Variants in SPRR2F observed in about 807,000 individuals in gnomAD.
SPRR2F encodes the protein small proline rich protein 2F, also known as small proline-rich protein 2F.
Under a neutral mutation model 0.8 loss-of-function variants are expected in SPRR2F, and 2 were observed. The observed-to-expected ratio is 2.52, with a 90% CI of 1.03 to 7.95. The LOEUF (loss-of-function observed/expected upper bound fraction) is 7.95, where lower values mean the gene tolerates loss of function less well. Ranked by LOEUF, SPRR2F falls within the 30% of genes most tolerant of loss-of-function variation. The probability of loss-of-function intolerance (pLI) is 0.04; values close to 1 mark genes in which losing one functional copy is unlikely to be tolerated. For missense variants in SPRR2F, 80 were observed against 85.8 expected (o/e 0.93, Z 0.27); for synonymous variants, 39 against 33.4 (o/e 1.17, Z -0.58).
chr1:153,115,584 A>T (rs1011117626), upstream of SPRR2F, among the ~76,000 whole-genome samples: 1 of 152,070 alleles, frequency 6.6e-6, no homozygotes, highest in Non-Finnish European at 1.5e-5. Flanking sequence ...GACCAGCTAC[A>T]TGAGGAATGG....
In SPRR2F at chr1:153,112,726, T is replaced by G; in HGVS notation, c.8A>C (p.Tyr3Ser). 1 of 1,611,854 alleles carries G rather than the reference T, an allele frequency of 6.2e-7. No homozygotes were observed. Among genetic ancestry groups the G allele is most frequent in the South Asian group, 1.1e-5 (1 of 90,992 alleles). MS[Y>S]QQQQCKQPCQ... is the part of the protein sequence containing the mutation. The stretch of plus-strand genomic sequence containing the variant: ...GGGCTGCTTGCACTGCTGCTGTTGA[T>G]AAGACATCCTGCTGGAGTCTCAGAA... The change falls in exon 2 of 2, where the codon TAT becomes TCT. Residue 3 changes from tyrosine (Y) to serine (S), a missense_variant. Physicochemically the swap from Tyr to Ser is moderately radical, Grantham distance 144. Transcript: ENST00000468739.
chr1:153,118,659 T>G, the SPRR2F span, among the ~76,000 whole-genome samples: 2 of 152,180 alleles, frequency 1.3e-5, no homozygotes, highest in Non-Finnish European at 2.9e-5. Flanking sequence ...CATTCTCTAA[T>G]AATCAAAACC....
chr1:153,114,805 T>C (rs1655687915), upstream of SPRR2F, among the ~76,000 whole-genome samples: 1 of 152,214 alleles, frequency 6.6e-6, no homozygotes, highest in Non-Finnish European at 1.5e-5. Context: ...ATGCATATAG[T>C]GACTCCTCTT....
At chr1:153,113,750 T>C (rs1257378169), upstream of SPRR2F, among the ~76,000 whole-genome samples, 1 of 152,148 alleles carries the variant, frequency 6.6e-6, no homozygotes, top group Non-Finnish European at 1.5e-5. Flanking sequence ...CAGTGACCTA[T>C]GGCAAAGAGG....
chr1:153,112,423 G>C lies in SPRR2F; in HGVS notation c.*92C>G. 1 of 1,533,972 alleles carries C rather than the reference G, an allele frequency of 6.5e-7. No individual in the cohort carries two copies. Among genetic ancestry groups the C allele is most frequent in the Non-Finnish European group, 8.8e-7 (1 of 1,138,100 alleles). The stretch of plus-strand genomic sequence containing the variant: ...GAAAGAAGCTCCCTGTGTATCCCTG[G>C]ATGGCTTTGATGAGAAGATGCAGGT... On this transcript the variant is annotated 3_prime_UTR_variant, in exon 2 of 2. Coordinates refer to ENST00000468739, the MANE Select transcript of SPRR2F (RefSeq NM_001014450.3).
upstream of SPRR2F, among the ~76,000 whole-genome samples, chr1:153,117,676 C>T (rs1655743864): frequency 6.6e-6 from 1 of 152,006 alleles, no homozygotes; most frequent in Admixed American, 6.6e-5. Flanking sequence ...AGAATAATTT[C>T]AAGAGCTATC....
At chr1:153,114,266 G>C (rs1655674086), upstream of SPRR2F, among the ~76,000 whole-genome samples, 1 of 151,836 alleles carries the variant, frequency 6.6e-6, no homozygotes, top group Non-Finnish European at 1.5e-5. Context: ...TTGTCACCTG[G>C]GACAGATTCC....
At chr1:153,113,992 ATTTTTTTTTTT>A (rs1171281660), upstream of SPRR2F, among the ~76,000 whole-genome samples, 3 of 78,744 alleles carry the variant, frequency 3.8e-5, no homozygotes, top group African/African-American at 1.5e-4. Flanking sequence ...CTGGTCCCAG[ATTTTTTTTTTT>A]TTTTTTTTTT....
chr1:153,116,155 T>C (rs186863790), upstream of SPRR2F, among the ~76,000 whole-genome samples: 2 of 152,336 alleles, frequency 1.3e-5, no homozygotes, highest in Admixed American at 1.3e-4. Flanking sequence ...TTACATTCCA[T>C]CATTATTCCA....
chr1:153,113,193 G>A (rs1310417589), intron 1 of SPRR2F, among the ~76,000 whole-genome samples: 1 of 152,112 alleles, frequency 6.6e-6, no homozygotes, highest in African/African-American at 2.4e-5. Flanking sequence ...CTTTGAAAAG[G>A]ACACCAGAAA....
chr1:153,117,462 T>C (rs539916649), upstream of SPRR2F, among the ~76,000 whole-genome samples: 3 of 152,142 alleles, frequency 2.0e-5, no homozygotes, highest in South Asian at 2.1e-4. Context: ...CTAATCTAGT[T>C]TACTATTACT....
upstream of SPRR2F, among the ~76,000 whole-genome samples, chr1:153,114,000 T>C (rs1655663898): frequency 1.1e-5 from 1 of 91,504 alleles, no homozygotes; most frequent in Non-Finnish European, 2.3e-5. Context: ...AGATTTTTTT[T>C]TTTTTTTTTT....
chr1:153,118,446 A>T (rs370928300), upstream of SPRR2F, among the ~76,000 whole-genome samples: 3 of 152,166 alleles, frequency 2.0e-5, no homozygotes, highest in African/African-American at 7.2e-5. Flanking sequence ...ACTATCAAAG[A>T]GAGAATATTC....
chr1:153,112,551 T>G lies in SPRR2F; in HGVS notation c.183A>C (p.Pro61=), dbSNP rs773296488. 6.2e-7 allele frequency: 1 copy of G among 1,612,366 alleles called. No homozygotes were observed. The highest frequency in any genetic ancestry group is 8.5e-7 in the Non-Finnish European group (1 of 1,179,684). ...QQKCPPVTPS[P]PCQPKCPPKS... ...TGGGTGGACACTTTGGCTGGCAGGGTGGGGAAGGTGTCACAGGAGGACATT... is the reference window on the plus strand; with the variant it reads ...TGGGTGGACACTTTGGCTGGCAGGGGGGGGAAGGTGTCACAGGAGGACATT... Residue 61 remains proline, a synonymous_variant, in exon 2 of 2, where the codon CCA becomes CCC. Transcript: ENST00000468739.
Position 153,112,804 on chromosome 1 carries a change from G to A in SPRR2F, c.-19-52C>T, listed in dbSNP as rs1484081666. Reference sequence around the variant, plus strand: ...ACGGGAAGGGAATCCTCCAGAGAGAGAAGCCAAAGCTTATGTAATACCATG... The same window carrying A: ...ACGGGAAGGGAATCCTCCAGAGAGAAAAGCCAAAGCTTATGTAATACCATG... On this transcript the variant is annotated intron_variant, in intron 1 of 1. Coordinates refer to ENST00000468739, the MANE Select transcript of SPRR2F (RefSeq NM_001014450.3). 6 of 1,605,008 alleles carry A rather than the reference G, an allele frequency of 3.7e-6. No individual in the cohort carries two copies. In the African/African-American group the frequency reaches 8.0e-5, roughly 21 times the overall value.
upstream of SPRR2F, among the ~76,000 whole-genome samples, chr1:153,114,238 C>T (rs1270067001): frequency 6.6e-6 from 1 of 152,050 alleles, no homozygotes; most frequent in Admixed American, 6.6e-5. Flanking sequence ...GTCTTCTCCA[C>T]CCAATTTGTA....
At chr1:153,119,332 T>C in the SPRR2F span, among the ~76,000 whole-genome samples, 1 of 152,204 alleles carries the variant, frequency 6.6e-6, no homozygotes, top group South Asian at 2.1e-4. Context: ...TCCAACTCTA[T>C]GCTATTTAAG....
upstream of SPRR2F, among the ~76,000 whole-genome samples, chr1:153,116,842 G>A (rs561766826): frequency 1.9e-4 from 29 of 152,168 alleles, no homozygotes; most frequent in African/African-American, 6.5e-4. Context: ...CGATTATGAT[G>A]AAATTGGAAG....
At chr1:153,116,421 A>C (rs574962496), upstream of SPRR2F, among the ~76,000 whole-genome samples, 1 of 152,310 alleles carries the variant, frequency 6.6e-6, no homozygotes, top group South Asian at 2.1e-4. Context: ...CCTTTTCAAA[A>C]TATTCTCCAA....
Sources: gnomAD v4.1 joint callset for allele counts (sites outside exome capture counted in the v4.1 genomes callset) on GRCh38, gnomAD v4.1.1 for gene constraint, MANE v1.5 for transcripts, NCBI Gene and HGNC (gene_info 2026-07-23, HGNC 2026-07-21) for gene names.